Variants in ARRDC3 observed in about 807,000 individuals in gnomAD.
The protein encoded by ARRDC3 is arrestin domain containing 3.
Under a neutral mutation model 47.2 loss-of-function variants are expected in ARRDC3, and 10 were observed. The ratio of observed to expected loss-of-function variants is 0.21; its 90% CI spans 0.13 to 0.36. The LOEUF (loss-of-function observed/expected upper bound fraction) is 0.36, where lower values mean the gene tolerates loss of function less well. Ranked by LOEUF, ARRDC3 falls within the 10% of genes least tolerant of loss-of-function variation. ARRDC3 has a pLI of 1.00. For missense variants in ARRDC3, 381 were observed against 503.6 expected (o/e 0.76, Z 2.33); for synonymous variants, 156 against 178.3 (o/e 0.87, Z 1.00).
At position 91,374,248 on chromosome 5, in the gene ARRDC3, T is replaced by C. The variant is rs1166993841; in HGVS notation, c.899A>G (p.Asp300Gly). 2 of 1,613,446 alleles carry C rather than the reference T, an allele frequency of 1.2e-6. No individual in the cohort carries two copies. The highest frequency in any genetic ancestry group is 1.7e-6 in the Non-Finnish European group (2 of 1,179,674). ...GACAAGTGGCAAATTAAGAAATAAA[T>C]CCATAGCTCCAGGAATATCCACATA... ...MVYVDIPGAMDLFLNLPLVIG... is the reference protein window; with the variant it reads ...MVYVDIPGAMGLFLNLPLVIG... Residue 300 changes from aspartate (D) to glycine (G), a missense_variant, in exon 6 of 8, where the codon GAT becomes GGT. By Grantham distance (94) the Asp-to-Gly change is moderately conservative. Coordinates refer to ENST00000265138, the MANE Select transcript of ARRDC3 (RefSeq NM_020801.4).
At position 91,383,297 on chromosome 5, in the gene ARRDC3, CAG is replaced by C. The variant is rs1488980032; in HGVS notation, c.-207_-206del. On this transcript the variant is annotated 5_prime_UTR_variant, in exon 1 of 8. Transcript: ENST00000265138. ...TGCTGCTCCGCGCTCCCGCTCGTCT[CAG>C]TGGTCTCCTTACAAAGACGGGCGGC... 3.8e-6 allele frequency: 2 copies of C among 525,862 alleles called. No homozygotes were observed. Among genetic ancestry groups the C allele is most frequent in the Non-Finnish European group, 3.3e-6 (1 of 304,548 alleles). 32.6% of individuals were successfully genotyped at this position (525,862 alleles called of 1,614,324 possible). A position where few individuals can be genotyped will look rare whatever the true frequency, so the allele number is the denominator to read the frequency against.
intron 1 of ARRDC3, chr5:91,380,083 C>G (rs1216499716): frequency 1.3e-5 from 2 of 152,342 alleles, no homozygotes; most frequent in Admixed American, 6.5e-5. Context: ...GCCAGCTCAG[C>G]AGTCTCATTG....
At position 91,374,982 on chromosome 5, in the gene ARRDC3, A is replaced by T. The variant is rs1179469661; in HGVS notation, c.810T>A (p.Ile270=). 6.2e-7 allele frequency: 1 copy of T among 1,614,232 alleles called. No individual in the cohort carries two copies. ...CGAGGATAGAGGGAGAAACTGGTGGAATTTTCAGCAACTTGCCATTCCACG... is the reference window on the plus strand; with the variant it reads ...CGAGGATAGAGGGAGAAACTGGTGGTATTTTCAGCAACTTGCCATTCCACG... ...TETWNGKLLK[I]PPVSPSILDC... is the part of the protein sequence containing the mutation. Residue 270 remains isoleucine (I), a synonymous_variant, in exon 5 of 8, where the codon ATT becomes ATA. Coordinates refer to ENST00000265138, the MANE Select transcript of ARRDC3 (RefSeq NM_020801.4).
Position 91,375,494 on chromosome 5 carries a change from A to T in ARRDC3, c.613+17T>A, listed in dbSNP as rs955456250. The T allele has an allele frequency of 1.3e-6, 2 of 1,559,656 alleles. No individual in the cohort carries two copies. The highest frequency in any genetic ancestry group is 1.7e-6 in the Non-Finnish European group (2 of 1,148,190). On this transcript the variant is annotated intron_variant, in intron 4 of 7. Coordinates refer to ENST00000265138, the MANE Select transcript of ARRDC3 (RefSeq NM_020801.4). ...AAGTGAAGAAAAGTTTTTTGTGGGA[A>T]TCTACCTCTTACATACCTGGGGTAT...
Position 91,371,302 on chromosome 5 carries a change from C to G in ARRDC3, c.*98G>C, listed in dbSNP as rs569914587. ...CCATTTTTCTGGGCAAAAGTAATTCCACTTCCTCTGAAACGTGTCTCCAAG... is the reference window on the plus strand; with the variant it reads ...CCATTTTTCTGGGCAAAAGTAATTCGACTTCCTCTGAAACGTGTCTCCAAG... On this transcript the variant is annotated 3_prime_UTR_variant, in exon 8 of 8. Coordinates refer to ENST00000265138, the MANE Select transcript of ARRDC3 (RefSeq NM_020801.4). 8.8e-4 allele frequency: 957 copies of G among 1,093,660 alleles called. 5 individuals carry two copies. The highest frequency in any genetic ancestry group is 5.6e-4 in the Non-Finnish European group (422 of 747,814). 67.7% of individuals were successfully genotyped at this position (1,093,660 alleles called of 1,614,324 possible).
intron 1 of ARRDC3, chr5:91,380,065 C>T (rs1799408888): frequency 1.3e-5 from 2 of 152,370 alleles, no homozygotes; most frequent in African/African-American, 4.8e-5. Flanking sequence ...TCTTCGCTCC[C>T]TTTTTGTGCC....
intron 6 of ARRDC3, 129 bp downstream of exon 6, chr5:91,373,985 T>C: frequency 1.4e-6 from 2 of 1,422,070 alleles, no homozygotes; most frequent in South Asian, 1.3e-5. Context: ...CAAAACTGAA[T>C]ATTAGGGGCA....
At chr5:91,376,926 GA>G (rs1582373303) in intron 2 of ARRDC3, among the ~76,000 whole-genome samples, 158 bp from the exon 3 acceptor site, 1 of 152,112 alleles carries the variant, frequency 6.6e-6, no homozygotes, top group South Asian at 2.1e-4. Context: ...AGTCACTGGG[GA>G]AAAAACTTCC....
chr5:91,377,419 T>A (rs1036199758), intron 2 of ARRDC3, among the ~76,000 whole-genome samples: 20 of 151,904 alleles, frequency 1.3e-4, no homozygotes, highest in African/African-American at 2.2e-4. Context: ...TAAAAAAAAA[T>A]TTTTTTTAAC....
At chr5:91,372,717 G>T (rs1421975293) in intron 7 of ARRDC3, among the ~76,000 whole-genome samples, 1 of 151,926 alleles carries the variant, frequency 6.6e-6, no homozygotes, top group African/African-American at 2.4e-5. Context: ...CAGTTATGGT[G>T]TTAATAAAAA....
chr5:91,378,904 T>A (rs908979634), intron 1 of ARRDC3, 129 bp from the exon 2 acceptor site: 5 of 505,972 alleles, frequency 9.9e-6, no homozygotes, highest in East Asian at 3.5e-5. Context: ...GTCTGAGAGA[T>A]CTGAGTTCTA....
rs1203436154 is a variant in ARRDC3, at chr5:91,369,079, G to A, written c.*2321C>T. 6.6e-6 allele frequency: 1 copy of A among 152,384 alleles called. No individual in the cohort carries two copies. Among genetic ancestry groups the A allele is most frequent in the Non-Finnish European group, 1.5e-5 (1 of 67,998 alleles). 9.4% of individuals were successfully genotyped at this position (152,384 alleles called of 1,614,324 possible). ...CTCTAAAGAAATACATTTTAAAGGG[G>A]AAAATAAAACTTTATTTGATAAAGT... On this transcript the variant is annotated 3_prime_UTR_variant, in exon 8 of 8. Coordinates refer to ENST00000265138, the MANE Select transcript of ARRDC3 (RefSeq NM_020801.4).
chr5:91,375,066 T>G lies in ARRDC3; in HGVS notation c.726A>C (p.Glu242Asp), dbSNP rs201692684. Residue 242 changes from glutamate (E) to aspartate (D), a missense_variant, in exon 5 of 8, where the codon GAA becomes GAC. Coordinates refer to ENST00000265138, the MANE Select transcript of ARRDC3 (RefSeq NM_020801.4). ...QAFYAKGKMK[E>D]VKQLVANLRG... ...GCAAGTTAGCCACAAGCTGTTTTAC[T>G]TCCTTCATTTTCCCTTTGGCATAGA... is the stretch of plus-strand genomic sequence containing the variant. 6.2e-7 allele frequency: 1 copy of G among 1,614,232 alleles called. No individual in the cohort carries two copies. Among genetic ancestry groups the G allele is most frequent in the East Asian group, 2.2e-5 (1 of 44,888 alleles).
At position 91,369,179 on chromosome 5, in the gene ARRDC3, G is replaced by A. The variant is rs746399694; in HGVS notation, c.*2221C>T. On this transcript the variant is annotated 3_prime_UTR_variant, in exon 8 of 8. Coordinates refer to ENST00000265138, the MANE Select transcript of ARRDC3 (RefSeq NM_020801.4). Reference sequence around the variant, plus strand: ...AGAATATTGGTCATTCTTGCTTCATGTGTTATTTGTAAGAGTATATAATGA... The same window carrying A: ...AGAATATTGGTCATTCTTGCTTCATATGTTATTTGTAAGAGTATATAATGA... 6.6e-6 allele frequency: 1 copy of A among 152,476 alleles called. No homozygotes were observed. The highest frequency in any genetic ancestry group is 1.5e-5 in the Non-Finnish European group (1 of 68,016). 9.4% of individuals were successfully genotyped at this position (152,476 alleles called of 1,614,324 possible). A position where few individuals can be genotyped will look rare whatever the true frequency, so the allele number is the denominator to read the frequency against.
chr5:91,380,990 C>T (rs1799444090), intron 1 of ARRDC3: 1 of 152,270 alleles, frequency 6.6e-6, no homozygotes, highest in Admixed American at 6.5e-5. Flanking sequence ...GTTTCCTAGC[C>T]TCGCCCCAGC....
At position 91,383,177 on chromosome 5, in the gene ARRDC3, C is replaced by T. The variant is rs1197398794; in HGVS notation, c.-85G>A. The T allele has an allele frequency of 3.9e-6, 5 of 1,279,304 alleles. No individual in the cohort carries two copies. The highest frequency in any genetic ancestry group is 5.3e-6 in the Non-Finnish European group (5 of 940,386). 79.2% of individuals were successfully genotyped at this position (1,279,304 alleles called of 1,614,324 possible). The stretch of plus-strand genomic sequence containing the variant: ...AATGTGATCTTCACTTAACACTGAT[C>T]GATATTTTTGCCGTGCAAAATGCTT... On this transcript the variant is annotated 5_prime_UTR_variant, in exon 1 of 8. Transcript: ENST00000265138.
Position 91,383,218 on chromosome 5 carries a change from G to T in ARRDC3, c.-126C>A. On this transcript the variant is annotated 5_prime_UTR_variant, in exon 1 of 8. Coordinates refer to ENST00000265138, the MANE Select transcript of ARRDC3 (RefSeq NM_020801.4). ...CAAAATGCTTGCAGGCCGGATCAGTGATTCTCTACAAATAGTTCATTGAGA... is the reference window on the plus strand; with the variant it reads ...CAAAATGCTTGCAGGCCGGATCAGTTATTCTCTACAAATAGTTCATTGAGA... 1.2e-6 allele frequency: 1 copy of T among 856,854 alleles called. No individual in the cohort carries two copies. Among genetic ancestry groups the T allele is most frequent in the Non-Finnish European group, 1.8e-6 (1 of 571,024 alleles). 53.1% of individuals were successfully genotyped at this position (856,854 alleles called of 1,614,324 possible).
At chr5:91,374,091 T>G in intron 6 of ARRDC3, 23 bp downstream of exon 6, 1 of 1,608,438 alleles carries the variant, frequency 6.2e-7, no homozygotes, top group Non-Finnish European at 8.5e-7. Context: ...GAGATTAAGC[T>G]TAGACGTGTA....
At chr5:91,378,600 T>G (rs147624953) in intron 2 of ARRDC3, 94 bp downstream of exon 2, 8 of 741,248 alleles carry the variant, frequency 1.1e-5, no homozygotes, top group African/African-American at 7.6e-5. Context: ...GGTTTTTTTT[T>G]CAACTAAAAA....
Sources: allele counts gnomAD v4.1 joint callset (sites outside exome capture counted in the v4.1 genomes callset), GRCh38; gene constraint gnomAD v4.1.1; transcripts MANE v1.5; gene names NCBI Gene and HGNC (gene_info 2026-07-23, HGNC 2026-07-21).